The following FHIT variants were observed in gnomAD, a reference collection of about 807,000 sequenced individuals.
FHIT encodes fragile histidine triad diadenosine triphosphatase.
FHIT carries 19 observed loss-of-function variants against 17.9 expected under a neutral mutation model. The ratio of observed to expected loss-of-function variants is 1.06; its 90% CI spans 0.74 to 1.56. The LOEUF is 1.56. Among genes scored for constraint, FHIT ranks in the 40% most tolerant of loss-of-function variants. The pLI is 0.00. For missense variants in FHIT, 248 were observed against 189.2 expected (o/e 1.31, Z -1.82); for synonymous variants, 81 against 69.7 (o/e 1.16, Z -0.81).
intron 5 of FHIT, among the ~76,000 whole-genome samples, chr3:60,042,149 G>C (rs951508016): frequency 2.6e-5 from 4 of 152,158 alleles, no homozygotes; most frequent in Non-Finnish European, 4.4e-5. Context: ...TGAGCTCTTT[G>C]TGTTCAATCA....
At chr3:59,868,516 T>A (rs1702762485) in intron 8 of FHIT, among the ~76,000 whole-genome samples, 1 of 152,222 alleles carries the variant, frequency 6.6e-6, no homozygotes, top group Admixed American at 6.5e-5. Flanking sequence ...TATCAACATG[T>A]TTTGTTACAA....
At chr3:59,879,056 A>T (rs1300814253) in intron 8 of FHIT, among the ~76,000 whole-genome samples, 4 of 152,170 alleles carry the variant, frequency 2.6e-5, no homozygotes, top group African/African-American at 9.7e-5. Context: ...TATCCAAATG[A>T]AGAAAAATCT....
chr3:61,136,802 G>T (rs945697862), intron 2 of FHIT, among the ~76,000 whole-genome samples: 1 of 152,150 alleles, frequency 6.6e-6, no homozygotes, highest in African/African-American at 2.4e-5. Flanking sequence ...GGACTATCAT[G>T]CTGTTATAAT....
chr3:59,894,347 T>C (rs1466702112), intron 8 of FHIT, among the ~76,000 whole-genome samples: 4 of 152,244 alleles, frequency 2.6e-5, no homozygotes, highest in Admixed American at 2.6e-4. Context: ...TATGAGGTTA[T>C]TATGAACATT....
chr3:60,372,258 C>T (rs1700360442), intron 5 of FHIT, among the ~76,000 whole-genome samples: 1 of 152,122 alleles, frequency 6.6e-6, no homozygotes, highest in Non-Finnish European at 1.5e-5. Context: ...GAGACGTATT[C>T]ATCTTTAAGC....
intron 4 of FHIT, among the ~76,000 whole-genome samples, chr3:60,741,814 C>T (rs1456997004): frequency 6.6e-6 from 1 of 152,220 alleles, no homozygotes; most frequent in Admixed American, 6.5e-5. Flanking sequence ...AATTTCCAAA[C>T]TGAATCTGTA....
At chr3:61,213,861 A>G (rs966065385) in intron 1 of FHIT, among the ~76,000 whole-genome samples, 4 of 152,192 alleles carry the variant, frequency 2.6e-5, no homozygotes, top group African/African-American at 9.7e-5. Context: ...CTCACTCAAA[A>G]CCGCTCAATT....
intron 8 of FHIT, among the ~76,000 whole-genome samples, chr3:59,859,677 C>A (rs756401158): frequency 1.3e-5 from 2 of 152,134 alleles, no homozygotes; most frequent in East Asian, 1.9e-4. Flanking sequence ...CTGAAGATCG[C>A]GTCACTGCAC....
chr3:60,405,824 C>G (rs9877008), intron 5 of FHIT, among the ~76,000 whole-genome samples: 38,600 of 152,114 alleles, frequency 0.25, 5,049 homozygotes, highest in East Asian at 0.43. Context: ...CCAACGACAT[C>G]AACTGTGCTA....
intron 4 of FHIT, among the ~76,000 whole-genome samples, chr3:60,659,916 C>A (rs2040200903): frequency 6.6e-6 from 1 of 152,110 alleles, no homozygotes; most frequent in Admixed American, 6.5e-5. Context: ...GATTCTCCTT[C>A]CCCTTCCCCA....
At chr3:60,215,218 C>G (rs6785232) in intron 5 of FHIT, among the ~76,000 whole-genome samples, 24,678 of 151,978 alleles carry the variant, frequency 0.16, 2,549 homozygotes, top group African/African-American at 0.29. Context: ...TAGGCTGGGC[C>G]TGGTGGCTCA....
intron 8 of FHIT, among the ~76,000 whole-genome samples, chr3:59,887,689 C>G (rs1035309087): frequency 3.9e-5 from 6 of 152,192 alleles, no homozygotes; most frequent in African/African-American, 1.4e-4. Flanking sequence ...CTGAGAGAAG[C>G]AGTTGCATCC....
At chr3:60,231,670 C>T (rs192338731) in intron 5 of FHIT, among the ~76,000 whole-genome samples, 6 of 152,246 alleles carry the variant, frequency 3.9e-5, no homozygotes, top group East Asian at 1.9e-4. Context: ...AAGTGCTTTA[C>T]GTGCCTTGAC....
At chr3:60,740,765 T>C (rs2042224390) in intron 4 of FHIT, among the ~76,000 whole-genome samples, 1 of 152,172 alleles carries the variant, frequency 6.6e-6, no homozygotes, top group African/African-American at 2.4e-5. Context: ...GACAAAGCTT[T>C]TGTAAATGAG....
chr3:60,627,534 C>T (rs2039322017), intron 4 of FHIT, among the ~76,000 whole-genome samples: 1 of 152,138 alleles, frequency 6.6e-6, no homozygotes. Flanking sequence ...GAGATGGAGT[C>T]TCGCTCTGCC....
chr3:60,507,035 A>T (rs182673351), intron 5 of FHIT, among the ~76,000 whole-genome samples: 3 of 152,324 alleles, frequency 2.0e-5, no homozygotes, highest in Non-Finnish European at 4.4e-5. Flanking sequence ...TAGAGGAAGA[A>T]AATGGAAATT....
intron 2 of FHIT, among the ~76,000 whole-genome samples, chr3:61,062,079 T>C (rs2034449761): frequency 6.6e-6 from 1 of 152,182 alleles, no homozygotes; most frequent in African/African-American, 2.4e-5. Flanking sequence ...ATTGAACCTC[T>C]TTAGCTACTT....
At chr3:61,107,842 G>A (rs1474675097) in intron 2 of FHIT, among the ~76,000 whole-genome samples, 1 of 152,224 alleles carries the variant, frequency 6.6e-6, no homozygotes, top group South Asian at 2.1e-4. Context: ...TACAGAAACA[G>A]CTGGATTGGT....
intron 5 of FHIT, among the ~76,000 whole-genome samples, chr3:60,444,981 G>C: frequency 6.6e-6 from 1 of 152,130 alleles, no homozygotes; most frequent in Non-Finnish European, 1.5e-5. Context: ...AGTTCCGTTA[G>C]ATTGAAAAGC....
Sources: gnomAD v4.1 joint callset for allele counts (sites outside exome capture counted in the v4.1 genomes callset) on GRCh38, gnomAD v4.1.1 for gene constraint, MANE v1.5 for transcripts, NCBI Gene and HGNC (gene_info 2026-07-23, HGNC 2026-07-21) for gene names.